Variants in KCNQ2 observed in about 807,000 individuals in gnomAD.
KCNQ2 encodes the protein potassium voltage-gated channel subfamily Q member 2, also known as potassium voltage-gated channel subfamily KQT member 2.
A neutral mutation model predicts 84.8 loss-of-function variants in KCNQ2; 14 were observed. The ratio of observed to expected loss-of-function variants is 0.17; its 90% confidence interval spans 0.11 to 0.26. The LOEUF (loss-of-function observed/expected upper bound fraction) is 0.26. KCNQ2 is among the 10% of genes least tolerant of loss of function. The pLI is 1.00. For synonymous variants in KCNQ2, 599 were observed against 554.1 expected (o/e 1.08, Z -1.14); for missense variants, 788 against 1,254.0 (o/e 0.63, Z 5.61).
chr20:63,414,236 G>C lies in KCNQ2; in HGVS notation c.1526-43C>G, dbSNP rs977486227. 1.4e-6 allele frequency: 2 copies of C among 1,446,734 alleles called. No individual in the cohort carries two copies. The highest frequency in any genetic ancestry group is 1.9e-6 in the Non-Finnish European group (2 of 1,029,610). 89.6% of individuals were successfully genotyped at this position (1,446,734 alleles called of 1,614,324 possible). A position where few individuals can be genotyped will look rare whatever the true frequency, so the allele number is the denominator to read the frequency against. ...GGCCGTGAGGGGCCGAGGGGGCCGG[G>C]AGACCTATTCCCGGGGTCCTGCAGG... is the stretch of plus-strand genomic sequence containing the variant. On this transcript the variant is annotated intron_variant, in intron 13 of 16. Coordinates refer to ENST00000359125, the MANE Select transcript of KCNQ2 (RefSeq NM_172107.4). The surrounding 1 kb of genome is among the most constrained non-coding windows in gnomAD (Gnocchi z 6.6).
chr20:63,424,027 G>A, intron 11 of KCNQ2, 150 bp downstream of exon 11: 1 of 796,860 alleles, frequency 1.3e-6, no homozygotes, highest in Non-Finnish European at 2.1e-6. Context: ...ATCACCGCCA[G>A]GCGGGGGTCT....
chr20:63,412,227 G>A (rs577207504), intron 15 of KCNQ2: 8 of 250,050 alleles, frequency 3.2e-5, no homozygotes, highest in Admixed American at 1.6e-4. Context: ...GTCAGGAGCC[G>A]GCCGAGGACT....
rs1326742195 is a variant in KCNQ2, at chr20:63,445,745, G to GGAA, written c.388-382_388-381insTTC. On this transcript the variant is annotated intron_variant, in intron 2 of 16. Transcript: ENST00000359125. ...TGGGAGGCCCTGTCTGAGCTGGGAG[G>GGAA]CCCTGTCTGAGCTGGGGGACCCTGT... Among the ~76,000 whole-genome samples, 13 of 17,792 alleles carry GGAA rather than the reference G, an allele frequency of 7.3e-4. 1 individual carries two copies. Among genetic ancestry groups the GGAA allele is most frequent in the Admixed American group, 8.4e-4 (2 of 2,380 alleles). The allele number at this position is 17,792 out of a possible 152,430, so 11.7% of individuals were successfully genotyped here. A position where few individuals can be genotyped will look rare whatever the true frequency, so the allele number is the denominator to read the frequency against.
At chr20:63,440,179 CT>C (rs552978307) in intron 5 of KCNQ2, among the ~76,000 whole-genome samples, 36 of 152,190 alleles carry the variant, frequency 2.4e-4, no homozygotes, top group Middle Eastern at 3.4e-3. Flanking sequence ...GGGGAGTGGT[CT>C]CCACCGAGCC....
intron 1 of KCNQ2, among the ~76,000 whole-genome samples, chr20:63,466,813 G>A (rs1334777608): frequency 6.6e-6 from 1 of 152,136 alleles, no homozygotes; most frequent in Non-Finnish European, 1.5e-5. Flanking sequence ...CACAGGTCAC[G>A]GCCACACAGG....
At position 63,414,758 on chromosome 20, in the gene KCNQ2, C is replaced by T. The variant is rs2080231410; in HGVS notation, c.1525+145G>A. On this transcript the variant is annotated intron_variant, in intron 13 of 16. Transcript: ENST00000359125. The surrounding 1 kb of genome is among the most constrained non-coding windows in gnomAD (Gnocchi z 6.6). Reference sequence around the variant, plus strand: ...ATAGTTAATTTTAGGTTGCACAAGTCTCACCTCAATTTTAGAAAGGATAGG... The same window carrying T: ...ATAGTTAATTTTAGGTTGCACAAGTTTCACCTCAATTTTAGAAAGGATAGG... 1 of 780,066 alleles carries T rather than the reference C, an allele frequency of 1.3e-6. No individual in the cohort carries two copies. Among genetic ancestry groups the T allele is most frequent in the Non-Finnish European group, 2.2e-6 (1 of 450,026 alleles). 48.3% of individuals were successfully genotyped at this position (780,066 alleles called of 1,614,324 possible).
intron 7 of KCNQ2, among the ~76,000 whole-genome samples, chr20:63,437,724 G>T (rs2081046587): frequency 6.6e-6 from 1 of 152,276 alleles, no homozygotes; most frequent in Non-Finnish European, 1.5e-5. Context: ...AGGGATCCTG[G>T]TCAGCTCTGC....
At chr20:63,413,183 ACATG>A (rs923435081) in intron 15 of KCNQ2, 8 of 520,628 alleles carry the variant, frequency 1.5e-5, no homozygotes, top group Non-Finnish European at 2.9e-5. Context: ...ACACACACAC[ACATG>A]CACACACACA....
chr20:63,409,086 G>A (rs1054589821), intron 15 of KCNQ2, among the ~76,000 whole-genome samples: 5 of 152,240 alleles, frequency 3.3e-5, no homozygotes, highest in African/African-American at 7.2e-5. Context: ...AACAGAAGCA[G>A]AAAAGGCGTG....
chr20:63,440,009 C>T (rs2081112582), intron 5 of KCNQ2, among the ~76,000 whole-genome samples: 1 of 152,254 alleles, frequency 6.6e-6, no homozygotes, highest in African/African-American at 2.4e-5. Flanking sequence ...AGGACAGCAG[C>T]CCCCACTGCA....
At chr20:63,459,914 A>T (rs2081904789) in intron 1 of KCNQ2, 2 of 151,704 alleles carry the variant, frequency 1.3e-5, no homozygotes, top group South Asian at 4.2e-4. Flanking sequence ...CACTCACCAC[A>T]CCTTGTCCCC....
rs764119402 is a variant in KCNQ2, at chr20:63,444,797, G to A, written c.552C>T (p.Ala184=). 24 of 1,607,756 alleles carry A rather than the reference G, an allele frequency of 1.5e-5. No individual in the cohort carries two copies. Among genetic ancestry groups the A allele is most frequent in the South Asian group, 1.2e-4 (11 of 89,944 alleles). Residue 184 remains alanine (A), a synonymous_variant, in exon 4 of 17, where the codon GCC becomes GCT. Transcript: ENST00000359125. ...CAAAGACGTTGCCCTGGGAGCCGGC[G>A]GCCAGCACCGCAATGGAGGCGATGA... is the stretch of plus-strand genomic sequence containing the variant. ...MVLIASIAVL[A]AGSQGNVFAT...
rs2079988404 is a variant in KCNQ2, at chr20:63,407,558, A to C, written c.1888-183T>G. On this transcript the variant is annotated intron_variant, in intron 16 of 16. Coordinates refer to ENST00000359125, the MANE Select transcript of KCNQ2 (RefSeq NM_172107.4). This position sits in a 1 kb window ranked among gnomAD's most constrained non-coding sequence, Gnocchi z 7.2. ...AGATGTGGGGACCCGGGCTGCTCCC[A>C]GGAAATGGGGGGGCCCAGGCTGGTT... 6.6e-6 allele frequency among the ~76,000 whole-genome samples: 1 copy of C among 150,648 alleles called. No homozygotes were observed.
In KCNQ2 at chr20:63,460,884, G is replaced by T. The variant is rs1372190577; in HGVS notation, c.296+11284C>A. 6.6e-6 allele frequency: 1 copy of T among 152,036 alleles called. No individual in the cohort carries two copies. The allele number at this position is 152,036 out of a possible 1,614,324, so 9.4% of individuals were successfully genotyped here. ...CGTCATCCATGTCCACAGGTGGCTGGACAGGTGCTGCGGCAGCCCCAGGTC... is the reference window on the plus strand; with the variant it reads ...CGTCATCCATGTCCACAGGTGGCTGTACAGGTGCTGCGGCAGCCCCAGGTC... On this transcript the variant is annotated intron_variant, in intron 1 of 16. Transcript: ENST00000359125. This position sits in a 1 kb window ranked among gnomAD's most constrained non-coding sequence, Gnocchi z 5.4.
chr20:63,437,088 A>G (rs541015580), intron 7 of KCNQ2, among the ~76,000 whole-genome samples: 2 of 152,266 alleles, frequency 1.3e-5, no homozygotes, highest in African/African-American at 4.8e-5. Flanking sequence ...CTGTAAACAT[A>G]ACTTCCATAT....
Position 63,460,606 on chromosome 20 carries a change from G to A in KCNQ2, c.296+11562C>T, listed in dbSNP as rs1220242552. Among the ~76,000 whole-genome samples, 5 of 152,204 alleles carry A rather than the reference G, an allele frequency of 3.3e-5. No individual in the cohort carries two copies. Among genetic ancestry groups the A allele is most frequent in the Admixed American group, 1.3e-4 (2 of 15,286 alleles). ...CCACTTGCACACCTCCGGCGACGGAGGGCTCACCCCACAGAAAGAATCTCG... is the reference window on the plus strand; with the variant it reads ...CCACTTGCACACCTCCGGCGACGGAAGGCTCACCCCACAGAAAGAATCTCG... On this transcript the variant is annotated intron_variant, in intron 1 of 16. Coordinates refer to ENST00000359125, the MANE Select transcript of KCNQ2 (RefSeq NM_172107.4). This position sits in a 1 kb window ranked among gnomAD's most constrained non-coding sequence, Gnocchi z 5.4.
At chr20:63,448,837 G>A (rs759075706) in intron 1 of KCNQ2, among the ~76,000 whole-genome samples, 3 of 152,194 alleles carry the variant, frequency 2.0e-5, no homozygotes, top group African/African-American at 7.2e-5. Flanking sequence ...GGCATCCTGG[G>A]GGGGAGTCTC....
Position 63,401,604 on chromosome 20 carries a change from C to T in KCNQ2, c.*5040G>A, listed in dbSNP as rs1293582411. On this transcript the variant is annotated 3_prime_UTR_variant, in exon 17 of 17. Coordinates refer to ENST00000359125, the MANE Select transcript of KCNQ2 (RefSeq NM_172107.4). ...AGGCGGCCATTCCGTCCTGCAGCCC[C>T]TAAAGGCCCTGACCAGGCCTCTTCA... The T allele has an allele frequency of 1.3e-5, 2 of 152,954 alleles. No individual in the cohort carries two copies. The highest frequency in any genetic ancestry group is 3.8e-4 in the East Asian group (2 of 5,202). 9.5% of individuals were successfully genotyped at this position (152,954 alleles called of 1,614,324 possible). A position where few individuals can be genotyped will look rare whatever the true frequency, so the allele number is the denominator to read the frequency against.
rs756813721 is a variant in KCNQ2 at position 63,446,866 on chromosome 20, C to T, written c.297-29G>A. On this transcript the variant is annotated intron_variant, in intron 1 of 16. Transcript: ENST00000359125. The surrounding 1 kb of genome is among the most constrained non-coding windows in gnomAD (Gnocchi z 5.5). ...GGGGCAGGGAACGCGCGCTCTCAGACAGGCCGCAGCAGGGCAGCAGCATGG... is the reference window on the plus strand; with the variant it reads ...GGGGCAGGGAACGCGCGCTCTCAGATAGGCCGCAGCAGGGCAGCAGCATGG... The T allele has an allele frequency of 1.3e-6, 2 of 1,580,228 alleles. No individual in the cohort carries two copies. Among genetic ancestry groups the T allele is most frequent in the South Asian group, 1.1e-5 (1 of 90,374 alleles).
Sources: allele counts gnomAD v4.1 joint callset (sites outside exome capture counted in the v4.1 genomes callset), GRCh38; gene constraint gnomAD v4.1.1; non-coding constraint Gnocchi (gnomAD v3.1); transcripts MANE v1.5; gene names NCBI Gene and HGNC (gene_info 2026-07-23, HGNC 2026-07-21).